The following P2RY14 variants were observed in gnomAD, a reference collection of about 807,000 sequenced individuals.
The protein encoded by P2RY14 is purinergic receptor P2Y14, also known as P2Y purinoceptor 14.
Under a neutral mutation model 0.9 loss-of-function variants are expected in P2RY14, and 2 were observed. The observed-to-expected ratio is 2.16, with a 90% CI of 0.88 to 6.79. The LOEUF is 6.79. Ranked by LOEUF, P2RY14 falls within the 30% of genes most tolerant of loss-of-function variation. P2RY14 has a pLI of 0.05. For missense variants in P2RY14, 378 were observed against 400.1 expected (o/e 0.94, Z 0.47); for synonymous variants, 158 against 147.2 (o/e 1.07, Z -0.53).
At chr3:151,249,833 G>A (rs1446506316) in intron 1 of P2RY14, among the ~76,000 whole-genome samples, 3 of 152,144 alleles carry the variant, frequency 2.0e-5, no homozygotes, top group Non-Finnish European at 4.4e-5. Flanking sequence ...GATTAATACA[G>A]TCATAATACA....
chr3:151,254,779 T>G (rs1737512445), intron 1 of P2RY14, among the ~76,000 whole-genome samples: 1 of 152,254 alleles, frequency 6.6e-6, no homozygotes. Flanking sequence ...TTGTGTTACA[T>G]TTCACCGGAG....
intron 1 of P2RY14, among the ~76,000 whole-genome samples, chr3:151,224,928 C>G (rs1730188089): frequency 6.6e-6 from 1 of 152,104 alleles, no homozygotes; most frequent in Admixed American, 6.5e-5. Context: ...CTCACTAAAG[C>G]CATCAGAACA....
At chr3:151,245,595 A>G (rs1351377326) in intron 1 of P2RY14, among the ~76,000 whole-genome samples, 1,301 of 107,638 alleles carry the variant, frequency 0.012, no homozygotes, top group African/African-American at 0.036. Flanking sequence ...ACTCTCAATA[A>G]ATTAGGTATT....
At chr3:151,261,802 A>G (rs1406631670) in intron 1 of P2RY14, among the ~76,000 whole-genome samples, 2 of 152,024 alleles carry the variant, frequency 1.3e-5, no homozygotes, top group African/African-American at 4.8e-5. Flanking sequence ...TTGGCGCACT[A>G]TAACCTCCAC....
At chr3:151,251,663 CACTCAAT>C (rs1321211858) in intron 1 of P2RY14, among the ~76,000 whole-genome samples, 2 of 152,214 alleles carry the variant, frequency 1.3e-5, no homozygotes, top group Non-Finnish European at 2.9e-5. Flanking sequence ...ATCACAGCAA[CACTCAAT>C]TGTTTGAACT....
intron 2 of P2RY14, among the ~76,000 whole-genome samples, chr3:151,217,311 T>C (rs904646033): frequency 4.6e-5 from 7 of 152,240 alleles, no homozygotes; most frequent in African/African-American, 1.7e-4. Flanking sequence ...TTTTGTATTT[T>C]TGAGCTGCAG....
At chr3:151,241,005 G>A (rs1447885758) in intron 1 of P2RY14, among the ~76,000 whole-genome samples, 3 of 152,134 alleles carry the variant, frequency 2.0e-5, no homozygotes, top group Non-Finnish European at 4.4e-5. Context: ...TCTCCTGGTT[G>A]CCAAAAACAT....
intron 2 of P2RY14, 53 bp from the exon 3 acceptor site, chr3:151,214,393 A>G: frequency 1.6e-6 from 2 of 1,237,026 alleles, no homozygotes; most frequent in Non-Finnish European, 2.3e-6. Flanking sequence ...CCTCCAAGAC[A>G]TTTGCTGAGT....
Position 151,256,157 on chromosome 3 carries a change from A to C in P2RY14, c.-133+22130T>G, listed in dbSNP as rs182773998. ...ATTTGAGTAGGTCTTTGACCCAGCC[A>C]CTGTGGTTATAGGAAGGCTCTTTTA... On this transcript the variant is annotated intron_variant, in intron 1 of 2. Coordinates refer to ENST00000309170, the MANE Select transcript of P2RY14 (RefSeq NM_014879.4). Among the ~76,000 whole-genome samples the C allele has an allele frequency of 3.3e-5, 5 of 152,354 alleles. No individual in the cohort carries two copies. The East Asian group carries it at 5.8e-4, about 18-fold the overall frequency.
intron 1 of P2RY14, among the ~76,000 whole-genome samples, chr3:151,221,138 G>A (rs552394953): frequency 3.9e-5 from 6 of 152,280 alleles, no homozygotes; most frequent in South Asian, 2.1e-4. Flanking sequence ...CTAGAGATTC[G>A]TGGAACTTTG....
chr3:151,244,835 T>G lies in P2RY14; in HGVS notation c.-132-25193A>C, dbSNP rs888371833. ...AAAATTAATGAATCCAGGAGCTGGT[T>G]TTTTTGAAAGGATCAACAAAATTGA... On this transcript the variant is annotated intron_variant, in intron 1 of 2. Transcript: ENST00000309170. Among the ~76,000 whole-genome samples the G allele has an allele frequency of 3.9e-5, 6 of 152,204 alleles. No individual in the cohort carries two copies. In the East Asian group the frequency reaches 1.2e-3, roughly 29 times the overall value.
chr3:151,256,656 T>G (rs942149888), intron 1 of P2RY14, among the ~76,000 whole-genome samples: 2 of 152,204 alleles, frequency 1.3e-5, no homozygotes, highest in Non-Finnish European at 2.9e-5. Context: ...CTTATTACAC[T>G]AAAGATGAGT....
intron 1 of P2RY14, among the ~76,000 whole-genome samples, chr3:151,260,570 C>T (rs1471579423): frequency 2.6e-5 from 4 of 152,050 alleles, no homozygotes; most frequent in African/African-American, 4.8e-5. Context: ...TGGTCGGTCT[C>T]GAACTTCTGA....
intron 1 of P2RY14, among the ~76,000 whole-genome samples, chr3:151,222,949 C>G (rs372415042): frequency 2.2e-4 from 34 of 152,088 alleles, no homozygotes; most frequent in African/African-American, 5.3e-4. Context: ...TTTATGGTCT[C>G]TTGGAAATGT....
intron 1 of P2RY14, among the ~76,000 whole-genome samples, chr3:151,276,507 A>T (rs1306475365): frequency 6.6e-6 from 1 of 152,168 alleles, no homozygotes; most frequent in African/African-American, 2.4e-5. Flanking sequence ...TTGGTATTCT[A>T]GAGACTGCTC....
chr3:151,241,444 G>A (rs903530880), intron 1 of P2RY14, among the ~76,000 whole-genome samples: 17 of 151,982 alleles, frequency 1.1e-4, no homozygotes, highest in African/African-American at 2.4e-4. Context: ...GATCCCTAGC[G>A]ACTTATTAAA....
chr3:151,233,537 C>A (rs918436962), intron 1 of P2RY14, among the ~76,000 whole-genome samples: 4 of 152,278 alleles, frequency 2.6e-5, no homozygotes, highest in Non-Finnish European at 5.9e-5. Flanking sequence ...AGTTTGAGAC[C>A]AGCCTGACCA....
At chr3:151,222,769 T>C (rs1481174288) in intron 1 of P2RY14, among the ~76,000 whole-genome samples, 1 of 152,112 alleles carries the variant, frequency 6.6e-6, no homozygotes, top group East Asian at 1.9e-4. Context: ...GTTAGCATCA[T>C]TTTTTTCCCC....
At position 151,212,728 on chromosome 3, in the gene P2RY14, A is replaced by G. The variant is rs1261118006; in HGVS notation, c.*572T>C. On this transcript the variant is annotated 3_prime_UTR_variant, in exon 3 of 3. Coordinates refer to ENST00000309170, the MANE Select transcript of P2RY14 (RefSeq NM_014879.4). ...ACAATTAATATTCCTCTTCCTTTGC[A>G]GTGCCATGAAATACATCAATAAGGG... The G allele has an allele frequency of 2.0e-5, 3 of 152,086 alleles. No homozygotes were observed. The highest frequency in any genetic ancestry group is 7.2e-5 in the African/African-American group (3 of 41,418). The allele number at this position is 152,086 out of a possible 1,614,324, so 9.4% of individuals were successfully genotyped here. A position where few individuals can be genotyped will look rare whatever the true frequency, so the allele number is the denominator to read the frequency against.
Sources: allele counts gnomAD v4.1 joint callset (sites outside exome capture counted in the v4.1 genomes callset), GRCh38; gene constraint gnomAD v4.1.1; transcripts MANE v1.5; gene names NCBI Gene and HGNC (gene_info 2026-07-23, HGNC 2026-07-21).